The following FAM210A variants were observed in gnomAD, a reference collection of about 807,000 sequenced individuals.
The protein encoded by FAM210A is mitochondrial inner membrane scaffold 1, also known as family with sequence similarity 210 member A.
A neutral mutation model predicts 25.3 loss-of-function variants in FAM210A; 13 were observed. The observed-to-expected ratio is 0.51, with a 90% CI of 0.33 to 0.82. The LOEUF (loss-of-function observed/expected upper bound fraction) is 0.82, where lower values mean the gene tolerates loss of function less well. Ranked by LOEUF, FAM210A falls within the 40% of genes least tolerant of loss-of-function variation. FAM210A has a pLI of 0.02. For missense variants in FAM210A, 319 were observed against 323.2 expected, an observed-to-expected ratio of 0.99 and a Z score of 0.10; for synonymous variants, 125 against 118.7, an observed-to-expected ratio of 1.05 and a Z score of -0.35.
At chr18:13,721,538 GCTTA>G (rs1037291339) in intron 1 of FAM210A, among the ~76,000 whole-genome samples, 6 of 152,096 alleles carry the variant, frequency 3.9e-5, no homozygotes, top group African/African-American at 1.4e-4. Flanking sequence ...ATTGCTTTTG[GCTTA>G]CTATTATTCC....
intron 2 of FAM210A, among the ~76,000 whole-genome samples, chr18:13,678,811 C>T (rs1321475260): frequency 2.6e-5 from 4 of 152,208 alleles, no homozygotes; most frequent in African/African-American, 9.7e-5. Flanking sequence ...AGGACAAAAG[C>T]ACATTCACTG....
intron 1 of FAM210A, among the ~76,000 whole-genome samples, chr18:13,696,988 T>C (rs765649126): frequency 2.0e-5 from 3 of 152,230 alleles, no homozygotes; most frequent in Non-Finnish European, 4.4e-5. Context: ...GCATTTTTAC[T>C]GTAACTTTTC....
In FAM210A at chr18:13,673,878, A is replaced by G. The variant is rs36145264; in HGVS notation, c.474-1905T>C. ...CCTGAGCCCTGGCTTCTTTATTTCC[A>G]GTTTCTGATTATTAACATTCCTGAG... is the stretch of plus-strand genomic sequence containing the variant. On this transcript the variant is annotated intron_variant, in intron 2 of 3. Coordinates refer to ENST00000651643, the MANE Select transcript of FAM210A (RefSeq NM_152352.4). Among the ~76,000 whole-genome samples, 31 of 1,592 alleles carry G rather than the reference A, an allele frequency of 0.019. 10 individuals carry two copies. In the South Asian group the frequency reaches 0.24, roughly 12 times the overall value. The allele number at this position is 1,592 out of a possible 152,430, so 1.0% of individuals were successfully genotyped here. A position where few individuals can be genotyped will look rare whatever the true frequency, so the allele number is the denominator to read the frequency against.
At chr18:13,690,494 G>C (rs1211959198) in intron 1 of FAM210A, among the ~76,000 whole-genome samples, 1 of 152,224 alleles carries the variant, frequency 6.6e-6, no homozygotes, top group African/African-American at 2.4e-5. Context: ...CTAACTGGGA[G>C]ACACCTCCCA....
At chr18:13,666,820 T>C (rs1294402832) in intron 3 of FAM210A, 107 bp from the exon 4 acceptor site, 2 of 954,558 alleles carry the variant, frequency 2.1e-6, no homozygotes, top group African/African-American at 1.6e-5. Flanking sequence ...TCAGAATAAA[T>C]TGCCTCATTG....
intron 1 of FAM210A, among the ~76,000 whole-genome samples, chr18:13,692,518 A>T (rs542900138): frequency 6.6e-6 from 1 of 152,314 alleles, no homozygotes; most frequent in East Asian, 1.9e-4. Context: ...AGCACTCCTC[A>T]GCAAATGTAA....
At chr18:13,666,848 A>G in intron 3 of FAM210A, 135 bp from the exon 4 acceptor site, 1 of 710,988 alleles carries the variant, frequency 1.4e-6, no homozygotes, top group Non-Finnish European at 2.3e-6. Flanking sequence ...AAGCTAATGT[A>G]GTAATATCCT....
chr18:13,719,907 T>C (rs2043886164), intron 1 of FAM210A, among the ~76,000 whole-genome samples: 1 of 152,198 alleles, frequency 6.6e-6, no homozygotes, highest in Admixed American at 6.5e-5. Context: ...ATTTATTCTA[T>C]AAAATCGCTC....
chr18:13,700,655 C>T (rs942637016), intron 1 of FAM210A, among the ~76,000 whole-genome samples: 1 of 152,228 alleles, frequency 6.6e-6, no homozygotes, highest in Admixed American at 6.5e-5. Context: ...CATCTCCAAA[C>T]CTCTCGGGAA....
chr18:13,707,547 G>T (rs1270637227), intron 1 of FAM210A, among the ~76,000 whole-genome samples: 8 of 152,164 alleles, frequency 5.3e-5, no homozygotes, highest in Admixed American at 5.2e-4. Context: ...ATTTATGATG[G>T]TAATAGTGAC....
intron 1 of FAM210A, among the ~76,000 whole-genome samples, chr18:13,687,116 T>TA (rs1363911825): frequency 3.3e-5 from 5 of 152,202 alleles, no homozygotes; most frequent in Non-Finnish European, 7.4e-5. Context: ...AGAATCAACT[T>TA]AAAGGTATAT....
intron 1 of FAM210A, among the ~76,000 whole-genome samples, chr18:13,699,025 G>T (rs2043718005): frequency 6.6e-6 from 1 of 152,138 alleles, no homozygotes; most frequent in Non-Finnish European, 1.5e-5. Flanking sequence ...GCCCAGGCTG[G>T]TCTCAAACTC....
chr18:13,685,913 C>T (rs2043593401), intron 1 of FAM210A, among the ~76,000 whole-genome samples: 1 of 152,030 alleles, frequency 6.6e-6, no homozygotes. Context: ...GCTAAGTTAC[C>T]TCCTTAAGAA....
intron 1 of FAM210A, among the ~76,000 whole-genome samples, chr18:13,725,955 G>A (rs1006245448): frequency 7.2e-5 from 11 of 152,158 alleles, no homozygotes; most frequent in African/African-American, 2.7e-4. Context: ...TCCCTAATAA[G>A]AAATTGCTAA....
chr18:13,720,700 A>G (rs983541398), intron 1 of FAM210A, among the ~76,000 whole-genome samples: 3 of 143,554 alleles, frequency 2.1e-5, no homozygotes, highest in East Asian at 3.9e-4. Context: ...CAGGGTCTCT[A>G]TTTGTTTGCT....
chr18:13,688,972 T>G (rs1239418293), intron 1 of FAM210A, among the ~76,000 whole-genome samples: 1 of 152,208 alleles, frequency 6.6e-6, no homozygotes, highest in African/African-American at 2.4e-5. Flanking sequence ...CCATGCTCAT[T>G]TGCTCACATG....
chr18:13,689,366 C>G (rs1362086172), intron 1 of FAM210A, among the ~76,000 whole-genome samples: 2 of 152,154 alleles, frequency 1.3e-5, no homozygotes, highest in African/African-American at 4.8e-5. Context: ...CCCACCATAT[C>G]AACAGGCTAA....
At chr18:13,672,740 T>C (rs1869999517) in intron 2 of FAM210A, among the ~76,000 whole-genome samples, 1 of 152,210 alleles carries the variant, frequency 6.6e-6, no homozygotes, top group Non-Finnish European at 1.5e-5. Flanking sequence ...AAAATTGCAC[T>C]GTAAAAGCAA....
chr18:13,671,192 C>T (rs1462549138), intron 3 of FAM210A, among the ~76,000 whole-genome samples: 2 of 151,634 alleles, frequency 1.3e-5, no homozygotes, highest in Non-Finnish European at 2.9e-5. Context: ...CTTTGGAGGC[C>T]CCCCCCTTCT....
Sources: allele counts gnomAD v4.1 joint callset (sites outside exome capture counted in the v4.1 genomes callset), GRCh38; gene constraint gnomAD v4.1.1; transcripts MANE v1.5; gene names NCBI Gene and HGNC (gene_info 2026-07-23, HGNC 2026-07-21).